POU2F1: variants seen among roughly 807,000 people sequenced by gnomAD.
POU2F1 encodes POU domain, class 2, transcription factor 1.
POU2F1 carries 16 observed loss-of-function variants against 84.9 expected under a neutral mutation model. The observed-to-expected ratio is 0.19, with a 90% CI of 0.13 to 0.29. The LOEUF (loss-of-function observed/expected upper bound fraction) is 0.29, where lower values mean the gene tolerates loss of function less well. POU2F1 is among the 10% of genes least tolerant of loss of function. POU2F1 has a pLI of 1.00. For missense variants in POU2F1, 738 were observed against 942.6 expected (o/e 0.78, Z 2.84); for synonymous variants, 368 against 368.3 (o/e 1.00, Z 0.01).
chr1:167,244,375 C>T lies in POU2F1; in HGVS notation c.61+23417C>T, dbSNP rs533730192. Among the ~76,000 whole-genome samples the T allele has an allele frequency of 2.1e-4, 32 of 152,284 alleles. No individual in the cohort carries two copies. The South Asian group carries it at 5.6e-3, about 27-fold the overall frequency. Reference sequence around the variant, plus strand: ...CTGGACTCAGTTCCTTACTGGTGGTCGAACCGAGGACCCTGGTTTCTTCCT... The same window carrying T: ...CTGGACTCAGTTCCTTACTGGTGGTTGAACCGAGGACCCTGGTTTCTTCCT... On this transcript the variant is annotated intron_variant, in intron 1 of 15. Coordinates refer to ENST00000367866, the MANE Select transcript of POU2F1 (RefSeq NM_002697.4).
At chr1:167,265,848 A>G (rs1038743449) in intron 1 of POU2F1, among the ~76,000 whole-genome samples, 1 of 152,226 alleles carries the variant, frequency 6.6e-6, no homozygotes, top group African/African-American at 2.4e-5. Context: ...GCAAAGAATT[A>G]TCTGGTCCAA....
Position 167,423,203 on chromosome 1 carries a change from C to T in POU2F1, c.*7393C>T, listed in dbSNP as rs1222124367. The T allele has an allele frequency of 6.6e-6, 1 of 152,186 alleles. No individual in the cohort carries two copies. The highest frequency in any genetic ancestry group is 2.4e-5 in the African/African-American group (1 of 41,448). The allele number at this position is 152,186 out of a possible 1,614,324, so 9.4% of individuals were successfully genotyped here. ...AAACCAAAAGATCTTCCCTTACTCT[C>T]CTATAAATGTTTTGTTCCAAATGTT... On this transcript the variant is annotated 3_prime_UTR_variant, in exon 16 of 16. Transcript: ENST00000367866.
intron 9 of POU2F1, 84 bp downstream of exon 9, chr1:167,389,845 C>G (rs1027649814): frequency 1.4e-6 from 2 of 1,442,844 alleles, no homozygotes; most frequent in African/African-American, 2.8e-5. Flanking sequence ...GATTCCACAT[C>G]TGTGGATTCA....
intron 12 of POU2F1, among the ~76,000 whole-genome samples, chr1:167,399,589 G>C (rs143697101): frequency 1.8e-4 from 28 of 152,202 alleles, no homozygotes; most frequent in Admixed American, 1.7e-3. Context: ...CACTGGTCTT[G>C]AGGTGCCCCT....
intron 8 of POU2F1, chr1:167,387,359 G>T (rs987396372): frequency 5.1e-6 from 2 of 390,444 alleles, no homozygotes; most frequent in Non-Finnish European, 1.0e-5. Flanking sequence ...AACCAGTTTC[G>T]CTGTGAGAAA....
rs1407520532 is a variant in POU2F1 at position 167,395,350 on chromosome 1, A to G, written c.988-936A>G. ...TCTACTGTGAATTTCTATTTCTATG[A>G]TGGTTACAAAAGTAGTCTTTTAGAA... On this transcript the variant is annotated intron_variant, in intron 9 of 15. Transcript: ENST00000367866. Among the ~76,000 whole-genome samples, 4 of 152,214 alleles carry G rather than the reference A, an allele frequency of 2.6e-5. No homozygotes were observed. In the East Asian group the frequency reaches 7.7e-4, roughly 29 times the overall value.
rs749292335 is a variant in POU2F1, at chr1:167,374,263, G to T, written c.558G>T (p.Gln186His). 4.3e-6 allele frequency: 7 copies of T among 1,613,022 alleles called. No homozygotes were observed. The Admixed American group carries it at 5.0e-5, about 12-fold the overall frequency. ...ISASAATPMT[Q>H]IPLSQPIQIA... ...CCTCTGCTGCCACGCCCATGACGCAGATCCCCCTGTCTCAGCCCATACAGA... is the reference window on the plus strand; with the variant it reads ...CCTCTGCTGCCACGCCCATGACGCATATCCCCCTGTCTCAGCCCATACAGA... Residue 186 changes from glutamine (Q) to histidine (H), a missense_variant, in exon 6 of 16, where the codon CAG becomes CAT. Gln to His is a conservative substitution (Grantham distance 24). Around this residue, in one of 4 missense-constraint regions of POU2F1, gnomAD observed 163 missense variants for 214.4 expected, o/e 0.76. Coordinates refer to ENST00000367866, the MANE Select transcript of POU2F1 (RefSeq NM_002697.4).
chr1:167,386,704 A>G lies in POU2F1; in HGVS notation c.813+2753A>G, dbSNP rs114585654. Among the ~76,000 whole-genome samples the G allele has an allele frequency of 3.3e-3, 499 of 152,354 alleles. 6 individuals carry two copies. Among genetic ancestry groups the G allele is most frequent in the African/African-American group, 0.011 (468 of 41,574 alleles). On this transcript the variant is annotated intron_variant, in intron 8 of 15. Transcript: ENST00000367866. ...TGGAATGCTACTTTGCAGTAAAAAGAAACGTGCTTCTGATACATGCATCTC... is the reference window on the plus strand; with the variant it reads ...TGGAATGCTACTTTGCAGTAAAAAGGAACGTGCTTCTGATACATGCATCTC...
rs1156945281 is a variant in POU2F1, at chr1:167,419,204, T to C, written c.*3394T>C. 1.2e-4 allele frequency: 18 copies of C among 152,208 alleles called. No individual in the cohort carries two copies. The highest frequency in any genetic ancestry group is 1.2e-3 in the Admixed American group (18 of 15,282). The allele number at this position is 152,208 out of a possible 1,614,324, so 9.4% of individuals were successfully genotyped here. A position where few individuals can be genotyped will look rare whatever the true frequency, so the allele number is the denominator to read the frequency against. On this transcript the variant is annotated 3_prime_UTR_variant, in exon 16 of 16. Transcript: ENST00000367866. ...AAATTTAACTTTTAGCCACCTTATA[T>C]GGGAGAGCCTGGAAACTAAAGGGGA... is the stretch of plus-strand genomic sequence containing the variant.
At chr1:167,335,783 G>C (rs1265577129) in intron 2 of POU2F1, among the ~76,000 whole-genome samples, 3 of 152,106 alleles carry the variant, frequency 2.0e-5, no homozygotes, top group Admixed American at 6.6e-5. Flanking sequence ...ACTCTTACAA[G>C]GTTAAGTAGA....
intron 1 of POU2F1, among the ~76,000 whole-genome samples, chr1:167,231,546 G>A (rs1328985778): frequency 2.0e-5 from 3 of 152,164 alleles, no homozygotes; most frequent in Admixed American, 6.5e-5. Context: ...AACCAATATG[G>A]CCAGTCTTTC....
rs115404405 is a variant in POU2F1, at chr1:167,230,483, C to T, written c.61+9525C>T. ...TTCTGATTAAAATTGGATATTGGAG[C>T]AAGAAAAGCATTTTCCTCCTCCTTT... On this transcript the variant is annotated intron_variant, in intron 1 of 15. Coordinates refer to ENST00000367866, the MANE Select transcript of POU2F1 (RefSeq NM_002697.4). 1.6e-3 allele frequency among the ~76,000 whole-genome samples: 243 copies of T among 152,120 alleles called. 3 individuals are homozygous for T. Among genetic ancestry groups the T allele is most frequent in the African/African-American group, 5.7e-3 (237 of 41,480 alleles).
chr1:167,392,320 C>G (rs1219997416), intron 9 of POU2F1, among the ~76,000 whole-genome samples: 1 of 150,628 alleles, frequency 6.6e-6, no homozygotes, highest in Non-Finnish European at 1.5e-5. Context: ...CCACTGCACA[C>G]CAGCTTTGGG....
chr1:167,377,460 G>A (rs956772922), intron 7 of POU2F1, among the ~76,000 whole-genome samples: 16 of 152,110 alleles, frequency 1.1e-4, no homozygotes, highest in African/African-American at 3.1e-4. Flanking sequence ...GGTGGCAGGC[G>A]CCTGTAGTCC....
intron 7 of POU2F1, chr1:167,379,392 G>C (rs535710052): frequency 5.8e-4 from 89 of 152,328 alleles, no homozygotes; most frequent in African/African-American, 2.0e-3. Flanking sequence ...TGGTAAATAA[G>C]TAGGTAGATG....
At chr1:167,329,130 C>G in intron 1 of POU2F1, 1 of 1,356,354 alleles carries the variant, frequency 7.4e-7, no homozygotes, top group Non-Finnish European at 9.6e-7. Flanking sequence ...TCCCCTTAAT[C>G]CACTTTCCAC....
At chr1:167,232,672 A>G (rs1234615228) in intron 1 of POU2F1, among the ~76,000 whole-genome samples, 2 of 152,098 alleles carry the variant, frequency 1.3e-5, no homozygotes, top group Non-Finnish European at 2.9e-5. Flanking sequence ...GTGAAACCCC[A>G]TCTCTACTAA....
intron 1 of POU2F1, among the ~76,000 whole-genome samples, chr1:167,258,592 C>G (rs1372142483): frequency 6.6e-6 from 1 of 152,090 alleles, no homozygotes; most frequent in African/African-American, 2.4e-5. Context: ...CACAGGAGGA[C>G]CTGTGTAAGC....
chr1:167,360,398 G>A (rs1332306814), intron 2 of POU2F1, among the ~76,000 whole-genome samples: 1 of 152,174 alleles, frequency 6.6e-6, no homozygotes, highest in Admixed American at 6.5e-5. Context: ...TAGCGGTCCA[G>A]TTTCATTCTT....
Sources: allele counts gnomAD v4.1 joint callset (sites outside exome capture counted in the v4.1 genomes callset), GRCh38; gene constraint gnomAD v4.1.1; regional missense constraint gnomAD v4.1.1; transcripts MANE v1.5; gene names NCBI Gene and HGNC (gene_info 2026-07-23, HGNC 2026-07-21).